Variants in FSTL1 observed in about 807,000 individuals in gnomAD.
FSTL1 encodes the protein follistatin-related protein 1.
FSTL1 carries 24 observed loss-of-function variants against 45.9 expected under a neutral mutation model. The ratio of observed to expected loss-of-function variants is 0.52; its 90% confidence interval spans 0.38 to 0.74. The LOEUF is 0.74. Ranked by LOEUF, FSTL1 falls within the 30% of genes least tolerant of loss-of-function variation. The pLI is 0.00. For synonymous variants in FSTL1, 120 were observed against 137.6 expected, an observed-to-expected ratio of 0.87 and a Z score of 0.89; for missense variants, 340 against 381.8, an observed-to-expected ratio of 0.89 and a Z score of 0.91.
At chr3:120,432,220 A>G (rs566612334) in intron 2 of FSTL1, among the ~76,000 whole-genome samples, 1 of 152,198 alleles carries the variant, frequency 6.6e-6, no homozygotes, top group Non-Finnish European at 1.5e-5. Context: ...CCAGCTTTCA[A>G]TATTACACAC....
chr3:120,405,512 A>C (rs999184688), intron 6 of FSTL1, among the ~76,000 whole-genome samples: 4 of 152,344 alleles, frequency 2.6e-5, no homozygotes, highest in South Asian at 2.1e-4. Flanking sequence ...TCAGTGCTTA[A>C]CTTTCACTTT....
At chr3:120,442,845 A>G (rs1245008522) in intron 2 of FSTL1, among the ~76,000 whole-genome samples, 1 of 147,080 alleles carries the variant, frequency 6.8e-6, no homozygotes, top group Non-Finnish European at 1.5e-5. Context: ...GAGAACAAGA[A>G]AAGACAAAGA....
At position 120,395,208 on chromosome 3, in the gene FSTL1, T is replaced by A. The variant is rs538236609; in HGVS notation, c.*1744A>T. 6.3e-6 allele frequency: 1 copy of A among 157,982 alleles called. No homozygotes were observed. The highest frequency in any genetic ancestry group is 1.4e-5 in the Non-Finnish European group (1 of 72,334). 9.8% of individuals were successfully genotyped at this position (157,982 alleles called of 1,614,324 possible). On this transcript the variant is annotated 3_prime_UTR_variant, in exon 11 of 11. Transcript: ENST00000295633. ...CACAACAGTTTCTCACAGTTGCCTG[T>A]GCATTACAACCTAAATAATTTCCTT...
chr3:120,427,745 G>A (rs2107664400), intron 2 of FSTL1, among the ~76,000 whole-genome samples: 1 of 152,348 alleles, frequency 6.6e-6, no homozygotes, highest in African/African-American at 2.4e-5. Context: ...ATGGCTTTCA[G>A]TCATTTCCTT....
intron 2 of FSTL1, chr3:120,438,562 G>T (rs1937594586): frequency 1.3e-5 from 2 of 152,234 alleles, no homozygotes; most frequent in South Asian, 4.1e-4. Context: ...TCTTCACTAG[G>T]CTGTAAATCA....
At chr3:120,422,844 GC>G (rs755025737) in intron 2 of FSTL1, among the ~76,000 whole-genome samples, 6 of 151,932 alleles carry the variant, frequency 3.9e-5, no homozygotes, top group Non-Finnish European at 7.4e-5. Context: ...ACAGGCACAC[GC>G]CCCCATGCCT....
chr3:120,426,203 C>A (rs1937376818), intron 2 of FSTL1, among the ~76,000 whole-genome samples: 1 of 152,024 alleles, frequency 6.6e-6, no homozygotes, highest in South Asian at 2.1e-4. Flanking sequence ...ACCTTCAAAT[C>A]AAAGAAGGGA....
intron 9 of FSTL1, chr3:120,400,228 C>A: frequency 4.4e-6 from 2 of 453,184 alleles, no homozygotes; most frequent in South Asian, 3.7e-5. Context: ...AGAAGCTGGC[C>A]CTACAAAAAA....
chr3:120,406,686 A>G (rs536824754), intron 6 of FSTL1, among the ~76,000 whole-genome samples: 1 of 152,322 alleles, frequency 6.6e-6, no homozygotes, highest in South Asian at 2.1e-4. Context: ...AATAGCCTGG[A>G]ATGCCTGGGG....
chr3:120,405,044 G>T, intron 6 of FSTL1, 73 bp from the exon 7 acceptor site: 1 of 815,046 alleles, frequency 1.2e-6, no homozygotes, highest in Non-Finnish European at 2.2e-6. Context: ...CCACTCAGCT[G>T]ACCTGCCTCT....
At chr3:120,430,190 G>T (rs1237740200) in intron 2 of FSTL1, among the ~76,000 whole-genome samples, 1 of 152,184 alleles carries the variant, frequency 6.6e-6, no homozygotes, top group Admixed American at 6.5e-5. Flanking sequence ...TGTTTAAAGG[G>T]TAAGGCCCAC....
intron 2 of FSTL1, among the ~76,000 whole-genome samples, chr3:120,439,752 T>C (rs1262911289): frequency 6.6e-6 from 1 of 152,232 alleles, no homozygotes; most frequent in Non-Finnish European, 1.5e-5. Flanking sequence ...TAGAGCTGTC[T>C]TGCCATTTGG....
At position 120,403,368 on chromosome 3, in the gene FSTL1, CA is replaced by C. The variant is rs760281818; in HGVS notation, c.582-15del. The C allele has an allele frequency of 6.8e-7, 1 of 1,471,996 alleles. No individual in the cohort carries two copies. The highest frequency in any genetic ancestry group is 2.3e-5 in the East Asian group (1 of 44,270). The allele number at this position is 1,471,996 out of a possible 1,614,324, so 91.2% of individuals were successfully genotyped here. The stretch of plus-strand genomic sequence containing the variant: ...ACACAGAGTCCCCTGAAACAAAACA[CA>C]GGAGAAATGTGTTAGCAAGACCTCA... On this transcript the variant is annotated splice_polypyrimidine_tract_variant and intron_variant, in intron 7 of 10. Coordinates refer to ENST00000295633, the MANE Select transcript of FSTL1 (RefSeq NM_007085.5).
chr3:120,412,174 C>T (rs1937070800), intron 3 of FSTL1, among the ~76,000 whole-genome samples, 191 bp from the exon 4 acceptor site: 1 of 152,192 alleles, frequency 6.6e-6, no homozygotes, highest in South Asian at 2.1e-4. Flanking sequence ...TCTCAGTTGC[C>T]TATGGCCCTT....
rs889504527 is a variant in FSTL1, at chr3:120,400,077, G to A, written c.806-118C>T. On this transcript the variant is annotated intron_variant, in intron 9 of 10. Coordinates refer to ENST00000295633, the MANE Select transcript of FSTL1 (RefSeq NM_007085.5). ...CCATTTAACTTGTGGAAGGAGAGGTGAATTACCCACATTTTCTGAGTATGA... is the reference window on the plus strand; with the variant it reads ...CCATTTAACTTGTGGAAGGAGAGGTAAATTACCCACATTTTCTGAGTATGA... 9.8e-6 allele frequency: 7 copies of A among 712,064 alleles called. No homozygotes were observed. In the Admixed American group the frequency reaches 1.3e-4, roughly 13 times the overall value. The allele number at this position is 712,064 out of a possible 1,614,324, so 44.1% of individuals were successfully genotyped here.
chr3:120,399,316 C>A (rs1936769230), intron 10 of FSTL1, among the ~76,000 whole-genome samples: 1 of 152,172 alleles, frequency 6.6e-6, no homozygotes, highest in Non-Finnish European at 1.5e-5. Context: ...AGAACCTGAA[C>A]AAAATTCTTA....
intron 3 of FSTL1, among the ~76,000 whole-genome samples, chr3:120,414,268 T>A (rs1937141231): frequency 6.6e-6 from 1 of 152,032 alleles, no homozygotes; most frequent in African/African-American, 2.4e-5. Context: ...GGAGCCCCTC[T>A]GCCTGGCTGC....
At chr3:120,417,909 C>T (rs1160288844) in intron 2 of FSTL1, among the ~76,000 whole-genome samples, 3 of 152,180 alleles carry the variant, frequency 2.0e-5, no homozygotes, top group Non-Finnish European at 4.4e-5. Context: ...GGGGTAAATG[C>T]CAACCCTGCC....
chr3:120,419,193 A>C (rs373176230), intron 2 of FSTL1: 2 of 152,470 alleles, frequency 1.3e-5, no homozygotes, highest in East Asian at 3.9e-4. Flanking sequence ...GTGGTGCAGG[A>C]GGTGGAAGAA....
Sources: allele counts gnomAD v4.1 joint callset (sites outside exome capture counted in the v4.1 genomes callset), GRCh38; gene constraint gnomAD v4.1.1; transcripts MANE v1.5; gene names NCBI Gene and HGNC (gene_info 2026-07-23, HGNC 2026-07-21).